Variants in CCSER2 observed in about 807,000 individuals in gnomAD.
CCSER2 encodes serine-rich coiled-coil domain-containing protein 2.
Under a neutral mutation model 92.3 loss-of-function variants are expected in CCSER2, and 46 were observed. That is an observed-to-expected ratio of 0.50 (90% CI 0.39 to 0.64). CCSER2 has a LOEUF of 0.64. CCSER2 is among the 30% of genes least tolerant of loss of function. The probability of loss-of-function intolerance (pLI) is 0.00; values close to 1 mark genes in which losing one functional copy is unlikely to be tolerated. For missense variants in CCSER2, 1,244 were observed against 1,238.9 expected (o/e 1.00, Z -0.06); for synonymous variants, 433 against 431.4 (o/e 1.00, Z -0.04).
In CCSER2 at chr10:84,413,113, T is replaced by G. The variant is rs1012951256; in HGVS notation, c.1615-4658T>G. ...CTGTTCCTGGATTCATTGATTTTTT[T>G]TTTTTTTTTGAAGGATTTCTGTGTC... is the stretch of plus-strand genomic sequence containing the variant. On this transcript the variant is annotated intron_variant, in intron 3 of 9. Transcript: ENST00000372088. Among the ~76,000 whole-genome samples the G allele has an allele frequency of 9.9e-5, 15 of 151,880 alleles. No individual in the cohort carries two copies. In the East Asian group the frequency reaches 2.9e-3, roughly 29 times the overall value.
At chr10:84,480,416 C>G (rs923457965) in intron 9 of CCSER2, among the ~76,000 whole-genome samples, 2 of 152,114 alleles carry the variant, frequency 1.3e-5, no homozygotes, top group African/African-American at 4.8e-5. Context: ...CCTCTACAAC[C>G]AAGTTAGTTT....
At position 84,513,501 on chromosome 10, in the gene CCSER2, A is replaced by G. The variant is rs1224326522; in HGVS notation, c.2378A>G (p.Gln793Arg). Residue 793 changes from glutamine to arginine, a missense_variant, in exon 10 of 10, where the codon CAG (glutamine) becomes CGG (arginine). Gln to Arg is a conservative substitution (Grantham distance 43, BLOSUM62 1). Coordinates refer to ENST00000372088, the MANE Select transcript of CCSER2 (RefSeq NM_001284240.2). The part of the protein sequence containing the change: ...SSLPRPTDHT[Q>R]GKLIKPQRIE... ...CTTCCCAGACCCACAGATCACACCC[A>G]GGGAAAACTAATAAAGCCACAACGT... is the stretch of plus-strand genomic sequence containing the variant. The G allele has an allele frequency of 2.5e-6, 4 of 1,614,000 alleles. No individual in the cohort carries two copies. The highest frequency in any genetic ancestry group is 3.4e-6 in the Non-Finnish European group (4 of 1,180,016).
intron 6 of CCSER2, among the ~76,000 whole-genome samples, chr10:84,459,367 C>T (rs185737479): frequency 5.3e-4 from 81 of 152,138 alleles, no homozygotes; most frequent in South Asian, 6.2e-4. Context: ...CCTATTCGTT[C>T]GCCTTTTATT....
chr10:84,361,787 T>C (rs1262289746), intron 1 of CCSER2, among the ~76,000 whole-genome samples: 2 of 151,982 alleles, frequency 1.3e-5, no homozygotes. Flanking sequence ...ATTACAGGCA[T>C]GCACCACCAT....
intron 1 of CCSER2, among the ~76,000 whole-genome samples, chr10:84,335,608 C>T (rs946749397): frequency 1.3e-5 from 2 of 152,040 alleles, no homozygotes; most frequent in Admixed American, 1.3e-4. Flanking sequence ...TACCCTCCTC[C>T]CCAACACTGC....
intron 6 of CCSER2, among the ~76,000 whole-genome samples, chr10:84,461,932 T>C (rs1189571837): frequency 6.6e-6 from 1 of 152,232 alleles, no homozygotes; most frequent in Non-Finnish European, 1.5e-5. Context: ...ATTTTGTTTT[T>C]AAACAGGCAA....
intron 9 of CCSER2, among the ~76,000 whole-genome samples, chr10:84,495,175 GTT>G (rs34336622): frequency 2.1e-4 from 30 of 140,348 alleles, no homozygotes; most frequent in African/African-American, 2.9e-4. Flanking sequence ...GTTTGATATG[GTT>G]TTTTTTTTTT....
intron 3 of CCSER2, among the ~76,000 whole-genome samples, chr10:84,399,939 T>C (rs1842032373): frequency 6.6e-6 from 1 of 152,038 alleles, no homozygotes; most frequent in African/African-American, 2.4e-5. Context: ...GTAACCATCT[T>C]ACTGGGCGTT....
At chr10:84,417,208 G>A (rs959570768) in intron 3 of CCSER2, among the ~76,000 whole-genome samples, 4 of 152,174 alleles carry the variant, frequency 2.6e-5, no homozygotes, top group African/African-American at 7.2e-5. Context: ...GCAAATAAAA[G>A]CCAGCAGGGA....
At chr10:84,497,334 T>G (rs767169495) in intron 9 of CCSER2, among the ~76,000 whole-genome samples, 1 of 152,252 alleles carries the variant, frequency 6.6e-6, no homozygotes, top group Non-Finnish European at 1.5e-5. Flanking sequence ...ACATTCTTTG[T>G]CTTTCTGGGC....
intron 1 of CCSER2, among the ~76,000 whole-genome samples, chr10:84,347,404 G>C (rs1481223043): frequency 6.6e-5 from 10 of 150,890 alleles, no homozygotes; most frequent in Non-Finnish European, 3.0e-5. Context: ...GCCGGGGAGG[G>C]GGGGTGCTGA....
chr10:84,330,780 G>C (rs1843523327), intron 1 of CCSER2, among the ~76,000 whole-genome samples: 1 of 152,056 alleles, frequency 6.6e-6, no homozygotes, highest in Non-Finnish European at 1.5e-5. Context: ...TGCTGGGATT[G>C]TAGGCTGGTT....
At chr10:84,471,442 T>G (rs1239967117) in intron 8 of CCSER2, among the ~76,000 whole-genome samples, 1 of 152,072 alleles carries the variant, frequency 6.6e-6, no homozygotes, top group African/African-American at 2.4e-5. Flanking sequence ...TATGTAAGCT[T>G]CGATTTTTAC....
At chr10:84,450,281 A>G (rs550948792) in intron 6 of CCSER2, among the ~76,000 whole-genome samples, 6 of 152,206 alleles carry the variant, frequency 3.9e-5, no homozygotes, top group Non-Finnish European at 8.8e-5. Context: ...TTTCATCATG[A>G]CTAGAATTTT....
intron 1 of CCSER2, among the ~76,000 whole-genome samples, chr10:84,348,784 A>G (rs1308097125): frequency 6.6e-6 from 1 of 152,150 alleles, no homozygotes; most frequent in Non-Finnish European, 1.5e-5. Context: ...ATGTTGCAAG[A>G]CCAAGATTAG....
chr10:84,462,307 A>C (rs1846144826), intron 6 of CCSER2, among the ~76,000 whole-genome samples: 1 of 152,056 alleles, frequency 6.6e-6, no homozygotes, highest in Non-Finnish European at 1.5e-5. Context: ...TCTGCTGTAC[A>C]CTTCCCACAA....
intron 3 of CCSER2, among the ~76,000 whole-genome samples, chr10:84,407,740 C>T (rs1290456496): frequency 6.6e-6 from 1 of 152,208 alleles, no homozygotes; most frequent in African/African-American, 2.4e-5. Flanking sequence ...TTTACCTGGG[C>T]ATATCCTGTA....
intron 3 of CCSER2, among the ~76,000 whole-genome samples, chr10:84,405,435 A>G (rs1337049809): frequency 6.6e-6 from 1 of 152,208 alleles, no homozygotes; most frequent in Non-Finnish European, 1.5e-5. Flanking sequence ...TGCCAAAAGC[A>G]TGATCCATAA....
chr10:84,415,568 C>T (rs1326054644), intron 3 of CCSER2, among the ~76,000 whole-genome samples: 1 of 152,204 alleles, frequency 6.6e-6, no homozygotes. Flanking sequence ...CTGTTGGCAG[C>T]CTGAAGGAGG....
Sources: allele counts gnomAD v4.1 joint callset (sites outside exome capture counted in the v4.1 genomes callset), GRCh38; gene constraint gnomAD v4.1.1; transcripts MANE v1.5; gene names NCBI Gene and HGNC (gene_info 2026-07-23, HGNC 2026-07-21).